BRD10: variants seen among roughly 807,000 people sequenced by gnomAD.
BRD10 encodes the protein uncharacterized bromodomain-containing protein 10.
the BRD10 span, among the ~76,000 whole-genome samples, chr9:5,933,146 A>T: frequency 2.4e-4 from 37 of 152,216 alleles, no homozygotes; most frequent in Non-Finnish European, 5.1e-4. Context: ...TCTAATAAAA[A>T]TATATTTAAT....
the BRD10 span, among the ~76,000 whole-genome samples, chr9:5,950,507 T>A: frequency 6.6e-6 from 1 of 152,206 alleles, no homozygotes; most frequent in Admixed American, 6.5e-5. Flanking sequence ...GGTAGCCTGG[T>A]TGCAGAACCC....
At chr9:5,991,851 C>T in the BRD10 span, among the ~76,000 whole-genome samples, 2 of 152,046 alleles carry the variant, frequency 1.3e-5, no homozygotes, top group Admixed American at 6.5e-5. Flanking sequence ...TGGCCTTCGC[C>T]TACCTCTCCA....
chr9:5,888,148 T>C, the BRD10 span, among the ~76,000 whole-genome samples: 2 of 152,220 alleles, frequency 1.3e-5, no homozygotes. Flanking sequence ...ACTGTCATAT[T>C]CCGGTGGGGT....
the BRD10 span, among the ~76,000 whole-genome samples, chr9:5,966,987 C>T: frequency 6.6e-6 from 1 of 152,158 alleles, no homozygotes; most frequent in Non-Finnish European, 1.5e-5. Context: ...ACATTATATA[C>T]ATGTTTTAAA....
the BRD10 span, among the ~76,000 whole-genome samples, chr9:5,980,893 TC>T: frequency 6.6e-6 from 1 of 152,130 alleles, no homozygotes; most frequent in East Asian, 1.9e-4. Flanking sequence ...AAAACTGTTT[TC>T]CCCACTTCTT....
chr9:5,995,260 A>G, the BRD10 span, among the ~76,000 whole-genome samples: 307 of 152,294 alleles, frequency 2.0e-3, 1 homozygote, highest in African/African-American at 6.8e-3. Flanking sequence ...ACTGCCCATA[A>G]CTTATTTCAG....
chr9:5,907,979 A>T, the BRD10 span, among the ~76,000 whole-genome samples: 1 of 152,200 alleles, frequency 6.6e-6, no homozygotes, highest in Non-Finnish European at 1.5e-5. Context: ...AAATAAAATT[A>T]CATAAGTGGC....
At chr9:5,940,250 G>C in the BRD10 span, among the ~76,000 whole-genome samples, 1 of 152,132 alleles carries the variant, frequency 6.6e-6, no homozygotes, top group Admixed American at 6.5e-5. Flanking sequence ...CTTGAGCACA[G>C]TGGTGCGATC....
the BRD10 span, among the ~76,000 whole-genome samples, chr9:5,991,932 G>A: frequency 4.6e-5 from 7 of 151,960 alleles, no homozygotes; most frequent in Non-Finnish European, 1.0e-4. Flanking sequence ...TTTATTCTCA[G>A]TCATACCAAC....
the BRD10 span, chr9:5,924,742 T>C: frequency 6.2e-7 from 1 of 1,606,798 alleles, no homozygotes; most frequent in Non-Finnish European, 8.5e-7. Context: ...GGAGAGTCTT[T>C]TCCAAGATCT....
chr9:5,889,315 C>G, the BRD10 span, among the ~76,000 whole-genome samples: 1 of 152,194 alleles, frequency 6.6e-6, no homozygotes, highest in Non-Finnish European at 1.5e-5. Flanking sequence ...ACCACTTCTT[C>G]AATCATCTTA....
the BRD10 span, among the ~76,000 whole-genome samples, chr9:5,952,469 C>T: frequency 2.0e-5 from 3 of 152,018 alleles, no homozygotes; most frequent in South Asian, 2.1e-4. Context: ...CATATTCACA[C>T]TGCTATGTGT....
the BRD10 span, among the ~76,000 whole-genome samples, chr9:5,951,078 C>A: frequency 1.3e-3 from 171 of 136,200 alleles, no homozygotes; most frequent in East Asian, 4.5e-3. Context: ...ACACACACAC[C>A]CCCACCCCAC....
chr9:6,004,384 A>C, the BRD10 span, among the ~76,000 whole-genome samples: 1 of 152,248 alleles, frequency 6.6e-6, no homozygotes, highest in Non-Finnish European at 1.5e-5. Context: ...TTGCACAATT[A>C]TTCTACCCTA....
the BRD10 span, among the ~76,000 whole-genome samples, chr9:5,980,034 A>G: frequency 8.6e-5 from 13 of 152,004 alleles, no homozygotes; most frequent in African/African-American, 1.4e-4. Context: ...AAAAAGAAAA[A>G]AAAAAAAGAA....
At chr9:5,930,369 T>TTTTTTATATATATATATATA in the BRD10 span, among the ~76,000 whole-genome samples, 2 of 135,544 alleles carry the variant, frequency 1.5e-5, no homozygotes, top group African/African-American at 2.8e-5. Context: ...TATAAGGAGA[T>TTTTTTATATATATATATATA]TATATATATA....
At chr9:5,970,842 G>C in the BRD10 span, among the ~76,000 whole-genome samples, 1 of 152,078 alleles carries the variant, frequency 6.6e-6, no homozygotes, top group South Asian at 2.1e-4. Context: ...TCTGAGGTCA[G>C]GAATTTTGAG....
the BRD10 span, chr9:5,969,568 G>C: frequency 2.9e-6 from 2 of 680,076 alleles, no homozygotes; most frequent in Non-Finnish European, 2.4e-6. Flanking sequence ...ATTTGAGACA[G>C]AGTCTCGCTC....
chr9:5,927,680 C>G, the BRD10 span, among the ~76,000 whole-genome samples: 1 of 152,106 alleles, frequency 6.6e-6, no homozygotes, highest in African/African-American at 2.4e-5. Context: ...ATGAGCAGCC[C>G]TCCTTTATGA....
Sources: gnomAD v4.1 joint callset for allele counts (sites outside exome capture counted in the v4.1 genomes callset) on GRCh38, gnomAD v4.1.1 for gene constraint, MANE v1.5 for transcripts, NCBI Gene and HGNC (gene_info 2026-07-23, HGNC 2026-07-21) for gene names.